The following THSD7B variants were observed in gnomAD, a reference collection of about 807,000 sequenced individuals.
The protein encoded by THSD7B is thrombospondin type-1 domain-containing protein 7B.
Under a neutral mutation model 213.6 loss-of-function variants are expected in THSD7B, and 138 were observed. The ratio of observed to expected loss-of-function variants is 0.65; its 90% CI spans 0.56 to 0.74. The LOEUF (loss-of-function observed/expected upper bound fraction) is 0.74, where lower values mean the gene tolerates loss of function less well. THSD7B is among the 30% of genes least tolerant of loss of function. THSD7B has a pLI of 0.00. For synonymous variants in THSD7B, 742 were observed against 687.0 expected, an observed-to-expected ratio of 1.08 and a Z score of -1.25; for missense variants, 1,931 against 1,991.5, an observed-to-expected ratio of 0.97 and a Z score of 0.58.
At chr2:137,316,384 G>A (rs1350439630) in intron 12 of THSD7B, among the ~76,000 whole-genome samples, 1 of 152,214 alleles carries the variant, frequency 6.6e-6, no homozygotes, top group Non-Finnish European at 1.5e-5. Context: ...TCCCTGATGA[G>A]TTCCCCTCCC....
At chr2:137,468,773 A>G (rs1295471852) in intron 15 of THSD7B, among the ~76,000 whole-genome samples, 1 of 152,096 alleles carries the variant, frequency 6.6e-6, no homozygotes, top group South Asian at 2.1e-4. Context: ...TTGGCCTTAT[A>G]TGAACTTCCC....
chr2:137,526,267 A>G (rs982879626), intron 15 of THSD7B, among the ~76,000 whole-genome samples: 9 of 152,114 alleles, frequency 5.9e-5, no homozygotes, highest in African/African-American at 2.2e-4. Flanking sequence ...AACCTACAAC[A>G]TGACTTATTA....
At chr2:136,855,591 A>ATTAT (rs869277912) in intron 1 of THSD7B, among the ~76,000 whole-genome samples, 2 of 130,762 alleles carry the variant, frequency 1.5e-5, no homozygotes, top group African/African-American at 5.6e-5. Context: ...GCATCCGGCT[A>ATTAT]TTATTTATTT....
intron 12 of THSD7B, among the ~76,000 whole-genome samples, chr2:137,377,770 G>A (rs369288253): frequency 9.2e-5 from 14 of 151,912 alleles, no homozygotes; most frequent in East Asian, 3.9e-4. Flanking sequence ...GCGATTACAG[G>A]CATGAACCAC....
intron 1 of THSD7B, among the ~76,000 whole-genome samples, chr2:136,835,166 C>T (rs1272493421): frequency 7.2e-5 from 11 of 152,204 alleles, no homozygotes; most frequent in East Asian, 3.9e-4. Flanking sequence ...TTTTAAGTAA[C>T]GGACTTTTAA....
At chr2:136,936,352 G>A (rs926277846) in intron 2 of THSD7B, among the ~76,000 whole-genome samples, 3 of 152,036 alleles carry the variant, frequency 2.0e-5, no homozygotes, top group African/African-American at 7.2e-5. Context: ...GTCATTATAC[G>A]GAAAAGATAA....
At chr2:136,794,138 G>A (rs1239929967) in intron 1 of THSD7B, among the ~76,000 whole-genome samples, 2 of 150,882 alleles carry the variant, frequency 1.3e-5, no homozygotes, top group Non-Finnish European at 3.0e-5. Flanking sequence ...TGTGAGACTA[G>A]ACAAAAATTT....
chr2:137,149,608 C>G (rs1679773986), intron 5 of THSD7B, among the ~76,000 whole-genome samples: 1 of 152,204 alleles, frequency 6.6e-6, no homozygotes, highest in Non-Finnish European at 1.5e-5. Flanking sequence ...GCCATGAGAG[C>G]CCACCTCTTG....
At chr2:137,320,528 G>A (rs913730309) in intron 12 of THSD7B, among the ~76,000 whole-genome samples, 16 of 152,186 alleles carry the variant, frequency 1.1e-4, no homozygotes, top group Non-Finnish European at 1.6e-4. Context: ...GAGTTAATCT[G>A]TGTTGATTTG....
At chr2:137,400,352 C>T (rs1440889791) in intron 12 of THSD7B, among the ~76,000 whole-genome samples, 1 of 151,900 alleles carries the variant, frequency 6.6e-6, no homozygotes, top group Non-Finnish European at 1.5e-5. Context: ...GCATCTAGAG[C>T]AACAGTAGCT....
At chr2:137,075,751 C>T (rs894947900) in intron 3 of THSD7B, among the ~76,000 whole-genome samples, 2 of 152,160 alleles carry the variant, frequency 1.3e-5, no homozygotes, top group African/African-American at 4.8e-5. Flanking sequence ...TGGTGACATA[C>T]AGATGGGTTT....
chr2:136,998,261 CAA>C (rs33931359), intron 2 of THSD7B, among the ~76,000 whole-genome samples: 20,037 of 98,218 alleles, frequency 0.2, 1,255 homozygotes, highest in Middle Eastern at 0.26. Flanking sequence ...ACTAAAAGGC[CAA>C]AAAAAAAAAA....
chr2:137,092,024 C>T (rs1309015933), intron 3 of THSD7B, among the ~76,000 whole-genome samples: 2 of 152,062 alleles, frequency 1.3e-5, no homozygotes, highest in Admixed American at 1.3e-4. Flanking sequence ...GGATTTTGAT[C>T]CCAGGCCCCA....
intron 1 of THSD7B, among the ~76,000 whole-genome samples, chr2:136,769,341 T>G (rs1441207951): frequency 6.6e-6 from 1 of 152,162 alleles, no homozygotes; most frequent in African/African-American, 2.4e-5. Flanking sequence ...TTTTGCCAGG[T>G]TATAGTCCAC....
intron 20 of THSD7B, among the ~76,000 whole-genome samples, chr2:137,625,998 A>G (rs961446021): frequency 2.0e-4 from 30 of 152,214 alleles, no homozygotes; most frequent in Admixed American, 1.8e-3. Context: ...GCATGGTTAC[A>G]TCTAGGGCAG....
intron 1 of THSD7B, among the ~76,000 whole-genome samples, chr2:136,766,778 C>A (rs1210140064): frequency 6.6e-6 from 1 of 152,120 alleles, no homozygotes; most frequent in African/African-American, 2.4e-5. Flanking sequence ...ACGGAAGATA[C>A]CAGGGTTCCT....
intron 17 of THSD7B, among the ~76,000 whole-genome samples, chr2:137,584,403 T>C (rs1407334105): frequency 6.6e-6 from 1 of 152,246 alleles, no homozygotes; most frequent in Non-Finnish European, 1.5e-5. Flanking sequence ...AGGACATTCC[T>C]GTCTTGTGCC....
intron 12 of THSD7B, among the ~76,000 whole-genome samples, chr2:137,343,885 A>G (rs1163082264): frequency 6.6e-6 from 1 of 151,830 alleles, no homozygotes; most frequent in Non-Finnish European, 1.5e-5. Flanking sequence ...TTTGTGGACC[A>G]GAAATTGCTA....
intron 15 of THSD7B, among the ~76,000 whole-genome samples, chr2:137,467,742 C>T (rs957694573): frequency 6.6e-6 from 1 of 152,124 alleles, no homozygotes; most frequent in African/African-American, 2.4e-5. Flanking sequence ...AATACTTTCT[C>T]TATGAGGATG....
Sources: gnomAD v4.1 joint callset for allele counts (sites outside exome capture counted in the v4.1 genomes callset) on GRCh38, gnomAD v4.1.1 for gene constraint, MANE v1.5 for transcripts, NCBI Gene and HGNC (gene_info 2026-07-23, HGNC 2026-07-21) for gene names.